The following ALG13 variants were observed in gnomAD, a reference collection of about 807,000 sequenced individuals.
The protein encoded by ALG13 is ALG13 UDP-N-acetylglucosaminyltransferase subunit.
Under a neutral mutation model 87.8 loss-of-function variants are expected in ALG13, and 11 were observed. That is an observed-to-expected ratio of 0.13 (90% CI 0.08 to 0.21). The LOEUF (loss-of-function observed/expected upper bound fraction) is 0.21, where lower values mean the gene tolerates loss of function less well. ALG13 is among the 10% of genes least tolerant of loss of function. The pLI is 1.00. For missense variants in ALG13, 756 were observed against 866.1 expected (o/e 0.87, Z 1.60); for synonymous variants, 320 against 306.3 (o/e 1.04, Z -0.47).
chrX:111,755,537 A>T (rs1408122824), intron 25 of ALG13, among the ~76,000 whole-genome samples: 2 of 112,610 alleles, frequency 1.8e-5, no homozygotes, highest in Non-Finnish European at 1.9e-5. Context: ...TATCCATCTG[A>T]CAAAGGGCTA....
At chrX:111,682,456 T>C (rs1344352234) in intron 2 of ALG13, among the ~76,000 whole-genome samples, 162 bp downstream of exon 2, 2 of 112,261 alleles carry the variant, frequency 1.8e-5, no homozygotes. Context: ...ATTAGCTTTT[T>C]ATCCTGATGC....
rs773294209 is a variant in ALG13, at chrX:111,708,063, T to C, written c.420T>C (p.Ala140=). The part of the protein sequence containing the change: ...LTCPGQAKSI[A]SAPGKCQDSA... ...GTCCTGGGCAAGCCAAGTCCATTGC[T>C]TCTGCTCCTGGGAAGTGCCAAGATT... Residue 140 remains alanine, a synonymous_variant, in exon 4 of 27, where the codon GCT becomes GCC. Transcript: ENST00000394780. The C allele has an allele frequency of 1.3e-5, 16 of 1,210,838 alleles. No homozygotes were observed. Among genetic ancestry groups the C allele is most frequent in the African/African-American group, 1.7e-5 (1 of 57,868 alleles).
intron 2 of ALG13, among the ~76,000 whole-genome samples, chrX:111,682,767 G>C (rs1028731724): frequency 8.9e-6 from 1 of 112,053 alleles, no homozygotes; most frequent in African/African-American, 3.2e-5. Flanking sequence ...TCTGCCTGCT[G>C]ATTGGTTGGA....
rs1249693430 is a variant in ALG13, at chrX:111,681,247, C to G, written c.29C>G (p.Thr10Ser). ...AAGTGCGTGTTTGTTACCGTAGGGA[C>G]CACCAGCTTTGACGACCTCATTGCG... MKCVFVTVGTTSFDDLIACV... is the reference protein window; with the variant it reads MKCVFVTVGSTSFDDLIACV... The change falls in exon 1 of 27, where the codon ACC (threonine) becomes AGC (serine). Residue 10 changes from threonine to serine, a missense_variant. By Grantham distance (58) the Thr-to-Ser change is moderately conservative. Transcript: ENST00000394780. 6 of 1,212,376 alleles carry G rather than the reference C, an allele frequency of 4.9e-6. No individual in the cohort carries two copies. Among genetic ancestry groups the G allele is most frequent in the Non-Finnish European group, 4.5e-6 (4 of 895,577 alleles).
rs765031613 is a variant in ALG13 at position 111,727,783 on chromosome X, A to G, written c.2247+13A>G. On this transcript the variant is annotated intron_variant, in intron 18 of 26. Transcript: ENST00000394780. ...TCCAACTTTACCTGTGAGTGGATCA[A>G]TGCTTTACTCAAAAAGCTGTTTACT... The G allele has an allele frequency of 4.3e-6, 5 of 1,173,349 alleles. No individual in the cohort carries two copies. The highest frequency in any genetic ancestry group is 2.5e-5 in the Admixed American group (1 of 39,434).
In ALG13 at chrX:111,730,557, A is replaced by G. The variant is rs781178409; in HGVS notation, c.2434A>G (p.Thr812Ala). ...CTATGAAACTTCAGGTGTTTATAGC[A>G]CAACTGCATCTACAGCAAACTTGGT... ...PDYETSGVYSTTASTANLSLQ... is the reference protein window; with the variant it reads ...PDYETSGVYSATASTANLSLQ... The change falls in exon 21 of 27, where the codon ACA becomes GCA. Residue 812 changes from threonine to alanine, a missense_variant. Around this residue, in one of 9 missense-constraint regions of ALG13, gnomAD observed 362 missense variants for 383.5 expected, o/e 0.94. Transcript: ENST00000394780. 9.2e-6 allele frequency: 11 copies of G among 1,189,626 alleles called. No homozygotes were observed. The highest frequency in any genetic ancestry group is 5.5e-5 in the South Asian group (3 of 54,312).
At chrX:111,736,922 A>G in intron 23 of ALG13, 43 bp downstream of exon 23, 12 of 1,064,902 alleles carry the variant, frequency 1.1e-5, no homozygotes, top group East Asian at 3.1e-5. Context: ...CTCTTTTCCT[A>G]TTCATGAACA....
rs998214881 is a variant in ALG13 at position 111,685,174 on chromosome X, C to A, written c.383+71C>A. 2.8e-6 allele frequency: 3 copies of A among 1,070,578 alleles called. No homozygotes were observed. The East Asian group carries it at 9.6e-5, about 34-fold the overall frequency. 88.2% of individuals were successfully genotyped at this position (1,070,578 alleles called of 1,213,427 possible). Reference sequence around the variant, plus strand: ...CTTGCACTTCCTCTTATCCACCTACCTAACCCATCTGTCTCTTCTGCCTCT... The same window carrying A: ...CTTGCACTTCCTCTTATCCACCTACATAACCCATCTGTCTCTTCTGCCTCT... On this transcript the variant is annotated intron_variant, in intron 3 of 26. Coordinates refer to ENST00000394780, the MANE Select transcript of ALG13 (RefSeq NM_001099922.3).
chrX:111,756,404 T>G (rs1945260005), intron 25 of ALG13, among the ~76,000 whole-genome samples: 1 of 111,518 alleles, frequency 9.0e-6, no homozygotes, highest in Non-Finnish European at 1.9e-5. Context: ...AAAACTTGTG[T>G]AATAAATATA....
chrX:111,746,812 T>C (rs1018880319), intron 24 of ALG13, among the ~76,000 whole-genome samples: 3 of 112,127 alleles, frequency 2.7e-5, no homozygotes, highest in African/African-American at 9.7e-5. Context: ...CGTATGAGAA[T>C]TCCAGTAGTT....
chrX:111,690,307 A>G, intron 3 of ALG13: 1 of 752,343 alleles, frequency 1.3e-6, no homozygotes, highest in Non-Finnish European at 1.6e-6. Flanking sequence ...TTCAGGGATA[A>G]GGAAATGAAA....
intron 3 of ALG13, chrX:111,689,474 C>G: frequency 1.3e-6 from 1 of 753,996 alleles, no homozygotes; most frequent in Non-Finnish European, 1.6e-6. Flanking sequence ...CCTTTGCTAT[C>G]TACTTCCCCA....
chrX:111,736,260 G>A (rs913808291), intron 22 of ALG13, among the ~76,000 whole-genome samples: 1 of 111,852 alleles, frequency 8.9e-6, no homozygotes, highest in Admixed American at 9.5e-5. Flanking sequence ...ATGAAATCAT[G>A]CCACTTCACT....
At chrX:111,747,743 C>T (rs1168918084) in intron 24 of ALG13, among the ~76,000 whole-genome samples, 1 of 112,150 alleles carries the variant, frequency 8.9e-6, no homozygotes, top group African/African-American at 3.2e-5. Flanking sequence ...CCTCGGCCTC[C>T]TGAAGTGCTG....
intron 8 of ALG13, 100 bp downstream of exon 8, chrX:111,713,397 A>G (rs1028908535): frequency 7.3e-6 from 4 of 545,240 alleles, no homozygotes; most frequent in African/African-American, 7.0e-5. Flanking sequence ...AATGAAAAGC[A>G]TAGTCTGAAT....
At chrX:111,751,724 TA>T (rs201762523) in intron 24 of ALG13, among the ~76,000 whole-genome samples, 6 of 109,886 alleles carry the variant, frequency 5.5e-5, no homozygotes, top group Non-Finnish European at 7.6e-5. Context: ...AAGCTGATTT[TA>T]AAAAAAAATG....
chrX:111,714,993 G>T (rs963961705), intron 8 of ALG13, among the ~76,000 whole-genome samples: 10 of 111,654 alleles, frequency 9.0e-5, no homozygotes, highest in Non-Finnish European at 1.7e-4. Context: ...CCTCAACATT[G>T]TATTCTGAAA....
At chrX:111,724,230 G>A (rs1256284670) in intron 14 of ALG13, among the ~76,000 whole-genome samples, 1 of 112,045 alleles carries the variant, frequency 8.9e-6, no homozygotes, top group Non-Finnish European at 1.9e-5. Context: ...AGCTAATCTA[G>A]TCTTTCTCAA....
intron 3 of ALG13, among the ~76,000 whole-genome samples, chrX:111,700,645 C>T (rs1282404978): frequency 2.8e-5 from 3 of 105,836 alleles, no homozygotes; most frequent in Non-Finnish European, 3.9e-5. Context: ...GGCGTGATCT[C>T]GGCTCACTGC....
Sources: allele counts gnomAD v4.1 joint callset (sites outside exome capture counted in the v4.1 genomes callset), GRCh38; gene constraint gnomAD v4.1.1; regional missense constraint gnomAD v4.1.1; transcripts MANE v1.5; gene names NCBI Gene and HGNC (gene_info 2026-07-23, HGNC 2026-07-21).